MBD3L1: variants seen among roughly 807,000 people sequenced by gnomAD.
MBD3L1 encodes the protein methyl-CpG-binding domain protein 3-like 1.
For missense variants in MBD3L1, 203 were observed against 230.1 expected (o/e 0.88, Z 0.76); for synonymous variants, 84 against 85.1 (o/e 0.99, Z 0.07).
chr19:8,842,217 G>A (rs1237279443), intron 2 of MBD3L1, among the ~76,000 whole-genome samples: 2 of 151,720 alleles, frequency 1.3e-5, no homozygotes, highest in South Asian at 2.1e-4. Flanking sequence ...TCCCAGCTAC[G>A]CGGGAGGTTC....
At chr19:8,838,231 C>G (rs185317800) in intron 1 of MBD3L1, among the ~76,000 whole-genome samples, 4 of 107,062 alleles carry the variant, frequency 3.7e-5, no homozygotes, top group African/African-American at 1.5e-4. Context: ...CCAGCCTGGA[C>G]GACAGAGCAA....
intron 1 of MBD3L1, among the ~76,000 whole-genome samples, chr19:8,839,535 A>G (rs2044489932): frequency 6.6e-6 from 1 of 152,116 alleles, no homozygotes; most frequent in Non-Finnish European, 1.5e-5. Flanking sequence ...GCTGTAAAGT[A>G]AGATTCACAT....
intron 1 of MBD3L1, among the ~76,000 whole-genome samples, chr19:8,835,132 T>C (rs1225234270): frequency 6.6e-6 from 1 of 151,676 alleles, no homozygotes; most frequent in Non-Finnish European, 1.5e-5. Context: ...GCTCACTGCA[T>C]CCTCTGCCTC....
At chr19:8,839,185 CTTTTTTTTT>C (rs57499698) in intron 1 of MBD3L1, among the ~76,000 whole-genome samples, 2 of 122,128 alleles carry the variant, frequency 1.6e-5, no homozygotes, top group African/African-American at 3.2e-5. Flanking sequence ...CTTTTCTTTT[CTTTTTTTTT>C]TTTTTTTTGA....
intron 1 of MBD3L1, among the ~76,000 whole-genome samples, chr19:8,838,604 C>T (rs1020776593): frequency 3.9e-5 from 6 of 152,138 alleles, no homozygotes. Flanking sequence ...CCTGCGATGG[C>T]CAACATATTC....
At chr19:8,837,177 A>G (rs2044464356) in intron 1 of MBD3L1, among the ~76,000 whole-genome samples, 1 of 152,218 alleles carries the variant, frequency 6.6e-6, no homozygotes, top group Non-Finnish European at 1.5e-5. Context: ...GGTACTTGGT[A>G]ACATATACCC....
chr19:8,841,492 G>A (rs990057002), intron 2 of MBD3L1, among the ~76,000 whole-genome samples: 1 of 152,144 alleles, frequency 6.6e-6, no homozygotes, highest in Non-Finnish European at 1.5e-5. Flanking sequence ...GGTATCTATG[G>A]TATGGGCATT....
At position 8,842,929 on chromosome 19, in the gene MBD3L1, C is replaced by G. The variant is rs769049129; in HGVS notation, c.251C>G (p.Ser84Ter). The G allele has an allele frequency of 6.2e-7, 1 of 1,614,260 alleles. No individual in the cohort carries two copies. Among genetic ancestry groups the G allele is most frequent in the Middle Eastern group, 1.6e-4 (1 of 6,062 alleles). The change falls in exon 3 of 3, where the codon TCA becomes TGA. Residue 84 changes from serine to a stop codon, truncating the protein, a stop_gained. Coordinates refer to ENST00000595891, the MANE Select transcript of MBD3L1 (RefSeq NM_001393532.1). LOFTEE classifies it low-confidence loss of function (END_TRUNC). ...LQAYSSAGELSSTLDLANTLQ... is the reference protein window; with the variant it reads ...LQAYSSAGEL ...GCTTACAGCAGTGCAGGAGAACTTTCAAGCACTTTGGATCTTGCCAATACC... is the reference window on the plus strand; with the variant it reads ...GCTTACAGCAGTGCAGGAGAACTTTGAAGCACTTTGGATCTTGCCAATACC...
In MBD3L1 at chr19:8,842,993, G is replaced by A. The variant is rs370088504; in HGVS notation, c.315G>A (p.Leu105=). The A allele has an allele frequency of 1.8e-5, 29 of 1,614,092 alleles. No individual in the cohort carries two copies. Among genetic ancestry groups the A allele is most frequent in the Non-Finnish European group, 2.3e-5 (27 of 1,180,052 alleles). Residue 105 remains leucine (L), a synonymous_variant, in exon 3 of 3, where the codon CTG becomes CTA. Coordinates refer to ENST00000595891, the MANE Select transcript of MBD3L1 (RefSeq NM_001393532.1). ...KLVPSYTGGS[L]LEDLASGLEH... ...TCCCTAGTTACACAGGTGGATCTCT[G>A]CTGGAGGATCTTGCCAGTGGTCTGG...
Position 8,843,182 on chromosome 19 carries a change from C to CGCAATCAG in MBD3L1, c.509_510insCAGGCAAT (p.Ala171ArgfsTer3). The CGCAATCAG allele has an allele frequency of 6.2e-7, 1 of 1,613,334 alleles. No homozygotes were observed. On this transcript the variant is annotated frameshift_variant, in exon 3 of 3. Coordinates refer to ENST00000595891, the MANE Select transcript of MBD3L1 (RefSeq NM_001393532.1). LOFTEE classifies it low-confidence loss of function (END_TRUNC). ...AAGTGAAGACAGTCAGAGAGAGACT[C>CGCAATCAG]GCAATAGCACTGATTGCGGATGGAC...
chr19:8,839,185 CTTTTTT>C (rs57499698), intron 1 of MBD3L1, among the ~76,000 whole-genome samples: 2 of 122,128 alleles, frequency 1.6e-5, no homozygotes, highest in Non-Finnish European at 3.2e-5. Flanking sequence ...CTTTTCTTTT[CTTTTTT>C]TTTTTTTTTT....
chr19:8,843,303 T>C lies in MBD3L1; in HGVS notation c.*40T>C. The stretch of plus-strand genomic sequence containing the variant: ...ATAGTGCAGATGAAATAAAGTGTAA[T>C]CCTTTATTAACATCTCTTTGCAGTG... On this transcript the variant is annotated 3_prime_UTR_variant, in exon 3 of 3. Transcript: ENST00000595891. The C allele has an allele frequency of 7.1e-7, 1 of 1,404,220 alleles. No individual in the cohort carries two copies. Among genetic ancestry groups the C allele is most frequent in the South Asian group, 1.5e-5 (1 of 67,646 alleles). The allele number at this position is 1,404,220 out of a possible 1,614,324, so 87.0% of individuals were successfully genotyped here.
At chr19:8,836,291 GAAGAA>G (rs1417804197) in intron 1 of MBD3L1, among the ~76,000 whole-genome samples, 2 of 151,916 alleles carry the variant, frequency 1.3e-5, no homozygotes, top group South Asian at 2.1e-4. Context: ...CAAAATAATA[GAAGAA>G]AAGTGGAAAA....
At chr19:8,833,848 G>A (rs552962051) in intron 1 of MBD3L1, among the ~76,000 whole-genome samples, 13 of 152,080 alleles carry the variant, frequency 8.5e-5, no homozygotes, top group Admixed American at 2.6e-4. Flanking sequence ...TTAGCCGGGC[G>A]TGGTGGCGGA....
chr19:8,837,552 A>T (rs1462614348), intron 1 of MBD3L1, among the ~76,000 whole-genome samples: 2 of 152,142 alleles, frequency 1.3e-5, no homozygotes, highest in Non-Finnish European at 2.9e-5. Flanking sequence ...TCTGCCTCGA[A>T]TGGGGGTGGC....
Position 8,837,280 on chromosome 19 carries a change from A to G in MBD3L1, c.-106-3635A>G, listed in dbSNP as rs926492051. 7.2e-5 allele frequency among the ~76,000 whole-genome samples: 11 copies of G among 152,372 alleles called. No individual in the cohort carries two copies. The South Asian group carries it at 2.1e-3, about 29-fold the overall frequency. Reference sequence around the variant, plus strand: ...TGAACCTTGTTAAAAAGGATTGATCATCTACCTCCTATTTAATATGACAGA... The same window carrying G: ...TGAACCTTGTTAAAAAGGATTGATCGTCTACCTCCTATTTAATATGACAGA... On this transcript the variant is annotated intron_variant, in intron 1 of 2. Transcript: ENST00000595891.
intron 1 of MBD3L1, among the ~76,000 whole-genome samples, chr19:8,838,252 C>CAAACAAAAAAAA (rs2044474868): frequency 8.5e-5 from 1 of 11,832 alleles, no homozygotes; most frequent in African/African-American, 2.5e-4. Context: ...GACTCCATCT[C>CAAACAAAAAAAA]AAAAAAAAAA....
At chr19:8,839,010 G>T (rs760662714) in intron 1 of MBD3L1, among the ~76,000 whole-genome samples, 10 of 151,934 alleles carry the variant, frequency 6.6e-5, no homozygotes, top group East Asian at 3.9e-4. Context: ...CCTTGTTGTT[G>T]GTTACTTATC....
Position 8,843,085 on chromosome 19 carries a change from G to C in MBD3L1, c.407G>C (p.Gly136Ala). 6.2e-7 allele frequency: 1 copy of C among 1,614,000 alleles called. No individual in the cohort carries two copies. Among genetic ancestry groups the C allele is most frequent in the Non-Finnish European group, 8.5e-7 (1 of 1,179,956 alleles). ...GCGGTGGAGATAATTCCTGCAGAGGGAGTGGGTATCTCGCAGCTCCTCTGC... is the reference window on the plus strand; with the variant it reads ...GCGGTGGAGATAATTCCTGCAGAGGCAGTGGGTATCTCGCAGCTCCTCTGC... ...SDAVEIIPAE[G>A]VGISQLLCKQ... Residue 136 changes from glycine (G) to alanine (A), a missense_variant, in exon 3 of 3, where the codon GGA becomes GCA. Physicochemically the swap from Gly to Ala is moderately conservative, Grantham distance 60 (BLOSUM62 0). Transcript: ENST00000595891.
Sources: gnomAD v4.1 joint callset for allele counts (sites outside exome capture counted in the v4.1 genomes callset) on GRCh38, gnomAD v4.1.1 for gene constraint, MANE v1.5 for transcripts, NCBI Gene and HGNC (gene_info 2026-07-23, HGNC 2026-07-21) for gene names.